Variants in SLC9C1 observed in about 807,000 individuals in gnomAD.
The protein encoded by SLC9C1 is sodium/hydrogen exchanger 10.
SLC9C1 carries 97 observed loss-of-function variants against 140.9 expected under a neutral mutation model. The observed-to-expected ratio is 0.69, with a 90% CI of 0.58 to 0.82. The LOEUF (loss-of-function observed/expected upper bound fraction) is 0.82. Ranked by LOEUF, SLC9C1 falls within the 40% of genes least tolerant of loss-of-function variation. The probability of loss-of-function intolerance (pLI) is 0.00; values close to 1 mark genes in which losing one functional copy is unlikely to be tolerated. For synonymous variants in SLC9C1, 440 were observed against 442.6 expected, an observed-to-expected ratio of 0.99 and a Z score of 0.07; for missense variants, 1,340 against 1,389.3, an observed-to-expected ratio of 0.96 and a Z score of 0.56.
At chr3:112,289,998 T>A (rs2080630968) in intron 1 of SLC9C1, among the ~76,000 whole-genome samples, 1 of 152,212 alleles carries the variant, frequency 6.6e-6, no homozygotes, top group South Asian at 2.1e-4. Flanking sequence ...CTAAAAGCTT[T>A]CCAGTGATTC....
At chr3:112,197,963 T>A (rs904871449) in intron 20 of SLC9C1, among the ~76,000 whole-genome samples, 2 of 152,126 alleles carry the variant, frequency 1.3e-5, no homozygotes, top group African/African-American at 4.8e-5. Flanking sequence ...TTTTTTGGGG[T>A]AGGGAACACA....
chr3:112,212,438 A>G (rs1013293005), intron 15 of SLC9C1, among the ~76,000 whole-genome samples: 4 of 152,212 alleles, frequency 2.6e-5, no homozygotes, highest in African/African-American at 9.6e-5. Flanking sequence ...AACCCATGGC[A>G]AAGAAGCTAT....
intron 15 of SLC9C1, among the ~76,000 whole-genome samples, chr3:112,216,373 A>G (rs950781815): frequency 1.3e-5 from 2 of 152,162 alleles, no homozygotes; most frequent in Non-Finnish European, 2.9e-5. Flanking sequence ...AATTAAACTA[A>G]AGAGCTTCTG....
intron 15 of SLC9C1, among the ~76,000 whole-genome samples, chr3:112,210,533 G>A (rs927120900): frequency 2.6e-5 from 4 of 152,138 alleles, no homozygotes; most frequent in African/African-American, 9.7e-5. Context: ...TCCAGGAGCA[G>A]GGCAAAAAGG....
At chr3:112,199,934 C>T (rs1327472801) in intron 19 of SLC9C1, among the ~76,000 whole-genome samples, 1 of 152,010 alleles carries the variant, frequency 6.6e-6, no homozygotes, top group African/African-American at 2.4e-5. Flanking sequence ...ATGACTCATA[C>T]ATTTATGCTC....
chr3:112,147,588 T>G, intron 28 of SLC9C1: 1 of 367,464 alleles, frequency 2.7e-6, no homozygotes. Flanking sequence ...TTTCTTTCTT[T>G]CAGAAAGATG....
intron 13 of SLC9C1, among the ~76,000 whole-genome samples, chr3:112,225,697 C>T (rs114686387): frequency 0.018 from 2,728 of 152,140 alleles, 78 homozygotes; most frequent in African/African-American, 0.062. Context: ...CCTGTAAAGA[C>T]GCCCACAGAC....
intron 16 of SLC9C1, among the ~76,000 whole-genome samples, chr3:112,205,335 C>T (rs2078018024): frequency 6.6e-6 from 1 of 151,770 alleles, no homozygotes; most frequent in African/African-American, 2.4e-5. Flanking sequence ...CCTGGGAATC[C>T]AACTTACAAG....
At chr3:112,177,993 C>A (rs1047930590) in intron 23 of SLC9C1, among the ~76,000 whole-genome samples, 8 of 151,820 alleles carry the variant, frequency 5.3e-5, no homozygotes, top group African/African-American at 1.9e-4. Flanking sequence ...ATTCTGTTCA[C>A]ATTAAAATGT....
At chr3:112,165,273 G>T (rs901675294) in intron 26 of SLC9C1, among the ~76,000 whole-genome samples, 5 of 152,098 alleles carry the variant, frequency 3.3e-5, no homozygotes, top group Non-Finnish European at 5.9e-5. Flanking sequence ...CTCTCAACTC[G>T]TCAAAGTCAT....
chr3:112,229,479 C>A (rs2078764744), intron 13 of SLC9C1, among the ~76,000 whole-genome samples: 1 of 151,918 alleles, frequency 6.6e-6, no homozygotes, highest in Non-Finnish European at 1.5e-5. Context: ...AAAACAACAG[C>A]AATAAAAATT....
At chr3:112,233,021 T>G (rs970885212) in intron 12 of SLC9C1, among the ~76,000 whole-genome samples, 3 of 127,320 alleles carry the variant, frequency 2.4e-5, no homozygotes, top group Non-Finnish European at 4.9e-5. Context: ...TAAGGTTCAC[T>G]TTCATACACA....
intron 15 of SLC9C1, among the ~76,000 whole-genome samples, chr3:112,210,498 A>G (rs920574790): frequency 4.3e-4 from 66 of 152,370 alleles, no homozygotes; most frequent in African/African-American, 1.5e-3. Context: ...GTAAATTCAC[A>G]GGGACAGAAA....
At chr3:112,247,791 G>A (rs1205526944) in intron 10 of SLC9C1, among the ~76,000 whole-genome samples, 1 of 152,064 alleles carries the variant, frequency 6.6e-6, no homozygotes, top group African/African-American at 2.4e-5. Context: ...TCAAGAATGA[G>A]TATGTTAGCA....
intron 13 of SLC9C1, among the ~76,000 whole-genome samples, chr3:112,227,981 C>A (rs941594163): frequency 6.6e-6 from 1 of 152,086 alleles, no homozygotes; most frequent in African/African-American, 2.4e-5. Context: ...AATGACCATA[C>A]TCCCTAAGAA....
chr3:112,202,404 A>T lies in SLC9C1; in HGVS notation c.2173-5T>A. 1.3e-6 allele frequency: 2 copies of T among 1,583,404 alleles called. No individual in the cohort carries two copies. Among genetic ancestry groups the T allele is most frequent in the South Asian group, 1.2e-5 (1 of 84,936 alleles). ...CAGCAACTTTGGTGCTATGAGCTGA[A>T]TTAAACAGGACTTCCATTAATATAA... On this transcript the variant is annotated splice_region_variant and splice_polypyrimidine_tract_variant and intron_variant, in intron 17 of 28. Transcript: ENST00000305815.
chr3:112,173,035 T>C (rs1576268545), intron 23 of SLC9C1, among the ~76,000 whole-genome samples: 1 of 152,130 alleles, frequency 6.6e-6, no homozygotes, highest in East Asian at 1.9e-4. Flanking sequence ...TTTCAAGGTT[T>C]AGTATTTGTT....
intron 20 of SLC9C1, among the ~76,000 whole-genome samples, chr3:112,183,120 C>T (rs1417688635): frequency 6.6e-6 from 1 of 152,050 alleles, no homozygotes; most frequent in African/African-American, 2.4e-5. Flanking sequence ...AATCCGATTG[C>T]TGGATCATAA....
chr3:112,143,123 T>C (rs1021334319), intron 28 of SLC9C1, among the ~76,000 whole-genome samples: 1 of 152,226 alleles, frequency 6.6e-6, no homozygotes, highest in Non-Finnish European at 1.5e-5. Flanking sequence ...ATTTTCTTTA[T>C]TCAACCCACC....
Sources: gnomAD v4.1 joint callset for allele counts (sites outside exome capture counted in the v4.1 genomes callset) on GRCh38, gnomAD v4.1.1 for gene constraint, MANE v1.5 for transcripts, NCBI Gene and HGNC (gene_info 2026-07-23, HGNC 2026-07-21) for gene names.